The following CIB4 variants were observed in gnomAD, a reference collection of about 807,000 sequenced individuals.
CIB4 encodes the protein calcium and integrin-binding family member 4.
Under a neutral mutation model 25.8 loss-of-function variants are expected in CIB4, and 25 were observed. The observed-to-expected ratio is 0.97, with a 90% CI of 0.71 to 1.35. CIB4 has a LOEUF of 1.35. Ranked by LOEUF, CIB4 falls within the 40% of genes most tolerant of loss-of-function variation. CIB4 has a pLI of 0.00. For missense variants in CIB4, 235 were observed against 228.2 expected (o/e 1.03, Z -0.19); for synonymous variants, 75 against 81.4 (o/e 0.92, Z 0.42).
At chr2:26,625,973 C>A (rs2148221161) in intron 3 of CIB4, among the ~76,000 whole-genome samples, 1 of 152,332 alleles carries the variant, frequency 6.6e-6, no homozygotes, top group African/African-American at 2.4e-5. Context: ...GTTCTCCCAG[C>A]ATCATTTATT....
intron 4 of CIB4, among the ~76,000 whole-genome samples, chr2:26,588,988 TTCTTCTTCTTCTTC>T (rs1558554504): frequency 0.026 from 1,056 of 40,104 alleles, 119 homozygotes; most frequent in African/African-American, 0.075. Context: ...TTTCTTCTTC[TTCTTCTTCTTCTTC>T]TTCTTCTTCT....
rs771633268 is a variant in CIB4 at position 26,595,289 on chromosome 2, C to T, written c.215G>A (p.Arg72Lys). ...GAACATGCCTTTGTGGGAGAACACT[C>T]TGCAGATACGGTCTCTGAAAGGGTT... ...RVNPFRDRIC[R>K]VFSHKGMFSF... The change falls in exon 4 of 7, where the codon AGA becomes AAA. Residue 72 changes from arginine (R) to lysine (K), a missense_variant. By Grantham distance (26) the Arg-to-Lys change is conservative (BLOSUM62 2). Coordinates refer to ENST00000288861, the MANE Select transcript of CIB4 (RefSeq NM_001029881.3). The T allele has an allele frequency of 5.4e-5, 87 of 1,613,954 alleles. No individual in the cohort carries two copies. The highest frequency in any genetic ancestry group is 7.1e-5 in the Non-Finnish European group (84 of 1,179,954).
chr2:26,641,135 A>G (rs572964391), intron 1 of CIB4, 126 bp downstream of exon 1: 22 of 765,612 alleles, frequency 2.9e-5, no homozygotes, highest in East Asian at 9.8e-5. Flanking sequence ...TCTTCTTCCA[A>G]TGTGGCCCAG....
chr2:26,611,585 G>T (rs1668996774), intron 3 of CIB4, among the ~76,000 whole-genome samples: 1 of 152,102 alleles, frequency 6.6e-6, no homozygotes, highest in Non-Finnish European at 1.5e-5. Context: ...CAAATTCTTG[G>T]AGTGGACAGT....
At chr2:26,623,743 GT>G in intron 3 of CIB4, 2 of 321,612 alleles carry the variant, frequency 6.2e-6, no homozygotes, top group Non-Finnish European at 1.3e-5. Flanking sequence ...GGCCAGGGGG[GT>G]GAGGTGGCCC....
At chr2:26,600,046 CT>C (rs1668752583) in intron 3 of CIB4, among the ~76,000 whole-genome samples, 1 of 125,100 alleles carries the variant, frequency 8.0e-6, no homozygotes, top group African/African-American at 3.4e-5. Flanking sequence ...GCACTCCAGC[CT>C]GGTGACAGAG....
intron 3 of CIB4, 25 bp from the exon 4 acceptor site, chr2:26,595,342 A>G (rs1668662915): frequency 1.9e-6 from 3 of 1,605,794 alleles, no homozygotes; most frequent in Non-Finnish European, 2.6e-6. Context: ...AGGAGCAGGG[A>G]GGAGGTCTAT....
At position 26,590,583 on chromosome 2, in the gene CIB4, T is replaced by A. The variant is rs139807877; in HGVS notation, c.328+4593A>T. Among the ~76,000 whole-genome samples the A allele has an allele frequency of 3.2e-3, 484 of 152,250 alleles. 2 individuals carry two copies. The highest frequency in any genetic ancestry group is 0.014 in the Middle Eastern group (4 of 294). On this transcript the variant is annotated intron_variant, in intron 4 of 6. Coordinates refer to ENST00000288861, the MANE Select transcript of CIB4 (RefSeq NM_001029881.3). Reference sequence around the variant, plus strand: ...TCCCTTTCTGTCTCCTTTCCCCTCTTTTTTGATCCTTCTTCATCCTTCACT... The same window carrying A: ...TCCCTTTCTGTCTCCTTTCCCCTCTATTTTGATCCTTCTTCATCCTTCACT...
At chr2:26,625,276 G>A (rs1442495231) in intron 3 of CIB4, among the ~76,000 whole-genome samples, 1 of 151,974 alleles carries the variant, frequency 6.6e-6, no homozygotes. Flanking sequence ...TTGTATTGTG[G>A]AGAAACCTGC....
chr2:26,640,570 G>A lies in CIB4; in HGVS notation c.55-3C>T, dbSNP rs1203782952. ...TTTCTGGTCAGGAAGGTCAGGGCCT[G>A]CAACAAATCACAGAGAAGCGACGTG... On this transcript the variant is annotated splice_polypyrimidine_tract_variant and splice_region_variant and intron_variant, in intron 1 of 6. Coordinates refer to ENST00000288861, the MANE Select transcript of CIB4 (RefSeq NM_001029881.3). 1.9e-6 allele frequency: 3 copies of A among 1,612,414 alleles called. No individual in the cohort carries two copies. The highest frequency in any genetic ancestry group is 3.3e-5 in the Admixed American group (2 of 59,884).
intron 4 of CIB4, among the ~76,000 whole-genome samples, chr2:26,584,618 G>T (rs1439732232): frequency 6.6e-6 from 1 of 152,208 alleles, no homozygotes; most frequent in Non-Finnish European, 1.5e-5. Flanking sequence ...ATGGAGTCCA[G>T]AATTGGGCAA....
chr2:26,631,050 C>T (rs1243438998), intron 2 of CIB4, among the ~76,000 whole-genome samples: 1 of 152,162 alleles, frequency 6.6e-6, no homozygotes, highest in East Asian at 1.9e-4. Context: ...CTCTACTCTC[C>T]TGAGAGGCCA....
intron 2 of CIB4, among the ~76,000 whole-genome samples, chr2:26,635,583 T>C (rs1387814070): frequency 6.6e-6 from 1 of 152,212 alleles, no homozygotes; most frequent in Non-Finnish European, 1.5e-5. Flanking sequence ...CAGGGCTTCG[T>C]CTGGCTCAAC....
At chr2:26,623,797 C>A (rs186757817) in intron 3 of CIB4, among the ~76,000 whole-genome samples, 6 of 152,222 alleles carry the variant, frequency 3.9e-5, no homozygotes, top group African/African-American at 1.4e-4. Flanking sequence ...CAAGGCCCTG[C>A]GATCTTCCTT....
At chr2:26,639,407 T>G (rs1387359467) in intron 2 of CIB4, among the ~76,000 whole-genome samples, 1 of 150,736 alleles carries the variant, frequency 6.6e-6, no homozygotes, top group Non-Finnish European at 1.5e-5. Flanking sequence ...CCATGTGTTC[T>G]CATTGTTCAA....
chr2:26,599,276 G>A (rs541773764), intron 3 of CIB4, among the ~76,000 whole-genome samples: 7 of 152,214 alleles, frequency 4.6e-5, no homozygotes, highest in South Asian at 2.1e-4. Flanking sequence ...ATTTATACGT[G>A]ATGAAACTAA....
chr2:26,626,514 A>C (rs938542140), intron 3 of CIB4, among the ~76,000 whole-genome samples: 2 of 151,904 alleles, frequency 1.3e-5, no homozygotes, highest in African/African-American at 4.8e-5. Context: ...CTTGAGGTAG[A>C]CTAATATATC....
intron 2 of CIB4, among the ~76,000 whole-genome samples, chr2:26,639,744 A>T (rs2148230533): frequency 6.6e-6 from 1 of 152,148 alleles, no homozygotes; most frequent in South Asian, 2.1e-4. Flanking sequence ...CCACCACCAG[A>T]CCCTGAGTGG....
chr2:26,586,776 A>T (rs1193211137), intron 4 of CIB4, among the ~76,000 whole-genome samples: 1 of 152,146 alleles, frequency 6.6e-6, no homozygotes, highest in Non-Finnish European at 1.5e-5. Context: ...GCAGAGGATC[A>T]CCCAAAACAA....
Sources: allele counts gnomAD v4.1 joint callset (sites outside exome capture counted in the v4.1 genomes callset), GRCh38; gene constraint gnomAD v4.1.1; transcripts MANE v1.5; gene names NCBI Gene and HGNC (gene_info 2026-07-23, HGNC 2026-07-21).